Variants in ABCA5 observed in about 807,000 individuals in gnomAD.
ABCA5 encodes cholesterol transporter ABCA5.
ABCA5 carries 163 observed loss-of-function variants against 206.0 expected under a neutral mutation model. That is an observed-to-expected ratio of 0.79 (90% CI 0.70 to 0.90). ABCA5 has a LOEUF of 0.90. Ranked by LOEUF, ABCA5 falls within the 40% of genes least tolerant of loss-of-function variation. The pLI is 0.00. For missense variants in ABCA5, 1,859 were observed against 1,912.9 expected, an observed-to-expected ratio of 0.97 and a Z score of 0.53; for synonymous variants, 609 against 613.8, an observed-to-expected ratio of 0.99 and a Z score of 0.11.
intron 12 of ABCA5, among the ~76,000 whole-genome samples, 167 bp downstream of exon 12, chr17:69,291,049 T>C (rs1348051234): frequency 1.3e-5 from 2 of 152,142 alleles, no homozygotes; most frequent in African/African-American, 4.8e-5. Context: ...TTAAACATGA[T>C]AGAATCATTT....
In ABCA5 at chr17:69,260,012, A is replaced by G. The variant is rs535831052; in HGVS notation, c.3640-215T>C. Among the ~76,000 whole-genome samples, 8 of 152,098 alleles carry G rather than the reference A, an allele frequency of 5.3e-5. No homozygotes were observed. The East Asian group carries it at 1.3e-3, about 26-fold the overall frequency. On this transcript the variant is annotated intron_variant, in intron 27 of 38. Transcript: ENST00000392676. Reference sequence around the variant, plus strand: ...GAATTATTTTTAGCAAATTATTCACATATTTTCTGCCTCTGTATCATTCAT... The same window carrying G: ...GAATTATTTTTAGCAAATTATTCACGTATTTTCTGCCTCTGTATCATTCAT...
At chr17:69,290,949 C>A (rs540501459) in intron 12 of ABCA5, among the ~76,000 whole-genome samples, 2 of 152,092 alleles carry the variant, frequency 1.3e-5, no homozygotes, top group Non-Finnish European at 2.9e-5. Flanking sequence ...ATTTATCCTC[C>A]CTTGAAAATG....
chr17:69,263,697 CTTT>C (rs58369537), intron 24 of ABCA5, among the ~76,000 whole-genome samples: 2 of 103,692 alleles, frequency 1.9e-5, no homozygotes, highest in African/African-American at 4.4e-5. Context: ...ACATGGATTC[CTTT>C]TTTTTTTTTT....
chr17:69,249,730 A>C (rs2074990408), intron 37 of ABCA5, 175 bp downstream of exon 37: 1 of 788,080 alleles, frequency 1.3e-6, no homozygotes, highest in Non-Finnish European at 1.9e-6. Flanking sequence ...ATAGTTTCTA[A>C]AATAAACCGA....
intron 15 of ABCA5, among the ~76,000 whole-genome samples, chr17:69,287,131 G>T (rs953818217): frequency 1.2e-4 from 18 of 152,182 alleles, no homozygotes; most frequent in African/African-American, 3.9e-4. Flanking sequence ...CTAGGCAGAA[G>T]ATGTTTATGT....
At chr17:69,274,579 A>T (rs1206890427) in intron 19 of ABCA5, among the ~76,000 whole-genome samples, 2 of 151,744 alleles carry the variant, frequency 1.3e-5, no homozygotes, top group Non-Finnish European at 1.5e-5. Context: ...TGAAAAAAAC[A>T]AAGAAAAAAA....
At chr17:69,256,734 G>A (rs1357402355) in intron 28 of ABCA5, among the ~76,000 whole-genome samples, 1 of 151,948 alleles carries the variant, frequency 6.6e-6, no homozygotes, top group East Asian at 1.9e-4. Context: ...GGGATTACAG[G>A]TTCAAGCCAC....
rs58369537 is a variant in ABCA5 at position 69,263,697 on chromosome 17, C to CTTTTTTTT, written c.3315+1030_3315+1037dup. On this transcript the variant is annotated intron_variant, in intron 24 of 38. Coordinates refer to ENST00000392676, the MANE Select transcript of ABCA5 (RefSeq NM_172232.4). ...GGCTTTGTTCTTTTTACATGGATTC[C>CTTTTTTTT]TTTTTTTTTTTTTTTTTGATAAAAA... Among the ~76,000 whole-genome samples, 420 of 103,622 alleles carry CTTTTTTTT rather than the reference C, an allele frequency of 4.1e-3. 26 individuals are homozygous for CTTTTTTTT. Among genetic ancestry groups the CTTTTTTTT allele is most frequent in the East Asian group, 0.012 (40 of 3,360 alleles). The allele number at this position is 103,622 out of a possible 152,430, so 68.0% of individuals were successfully genotyped here. A position where few individuals can be genotyped will look rare whatever the true frequency, so the allele number is the denominator to read the frequency against.
chr17:69,268,989 A>G (rs1054878575), intron 22 of ABCA5: 1 of 152,236 alleles, frequency 6.6e-6, no homozygotes, highest in Non-Finnish European at 1.5e-5. Flanking sequence ...TAGTGCAAGA[A>G]GTGGAAATGA....
chr17:69,322,726 G>T (rs1369823664), intron 1 of ABCA5, among the ~76,000 whole-genome samples: 1 of 151,900 alleles, frequency 6.6e-6, no homozygotes, highest in Admixed American at 6.6e-5. Flanking sequence ...AGCAGAGGAG[G>T]TACTAAATAC....
chr17:69,271,249 C>T lies in ABCA5; in HGVS notation c.2805G>A (p.Gln935=). ...CATTAATCATCGTCACCATTATGTT[C>T]TGGCTTGTGAAAAAGCTAATAAGAT... The part of the protein sequence containing the change: ...ISDLISFFTS[Q]NIMVTMINDS... Residue 935 remains glutamine (Q), a synonymous_variant, in exon 21 of 39, where the codon CAG becomes CAA. Transcript: ENST00000392676. The T allele has an allele frequency of 6.2e-7, 1 of 1,613,156 alleles. No individual in the cohort carries two copies. The highest frequency in any genetic ancestry group is 8.5e-7 in the Non-Finnish European group (1 of 1,179,524).
intron 1 of ABCA5, chr17:69,315,245 G>C (rs1182802173): frequency 6.6e-6 from 1 of 152,234 alleles, no homozygotes; most frequent in Non-Finnish European, 1.5e-5. Context: ...CTAACAGACA[G>C]ACCACTGTCC....
In ABCA5 at chr17:69,289,780, G is replaced by C. The variant is rs968347929; in HGVS notation, c.1782+82C>G. On this transcript the variant is annotated intron_variant, in intron 13 of 38. Transcript: ENST00000392676. ...ACAAGTGTTATATTTAGATTTTCAA[G>C]CATATTTTTATTGCACAAGTCATTA... 22 of 1,083,548 alleles carry C rather than the reference G, an allele frequency of 2.0e-5. No individual in the cohort carries two copies. In the East Asian group the frequency reaches 5.4e-4, roughly 27 times the overall value. The allele number at this position is 1,083,548 out of a possible 1,614,324, so 67.1% of individuals were successfully genotyped here.
At chr17:69,253,455 T>C in intron 34 of ABCA5, 118 bp downstream of exon 34, 1 of 573,584 alleles carries the variant, frequency 1.7e-6, no homozygotes, top group Non-Finnish European at 3.0e-6. Context: ...ATTACTAGTG[T>C]ATCGTTTGAA....
chr17:69,279,226 T>C (rs1598171814), intron 18 of ABCA5, among the ~76,000 whole-genome samples: 1 of 152,110 alleles, frequency 6.6e-6, no homozygotes, highest in Non-Finnish European at 1.5e-5. Context: ...ATCACAAGCA[T>C]TCCTATACAC....
chr17:69,282,482 A>G (rs1469499917), intron 18 of ABCA5, among the ~76,000 whole-genome samples: 1 of 152,116 alleles, frequency 6.6e-6, no homozygotes, highest in East Asian at 1.9e-4. Context: ...CTCAAAATTC[A>G]TGCCTCGGCC....
In ABCA5 at chr17:69,256,226, A is replaced by C. The variant is rs2075076995; in HGVS notation, c.3789T>G (p.Asp1263Glu). 1.2e-6 allele frequency: 2 copies of C among 1,610,530 alleles called. No individual in the cohort carries two copies. The highest frequency in any genetic ancestry group is 1.7e-6 in the Non-Finnish European group (2 of 1,178,032). ...RKLPEPPDNE[D>E]EDEDVKAERL... is the part of the protein sequence containing the mutation. ...TTTCAGCTTTGACATCTTCATCTTC[A>C]TCCTCATTGTCTGGTGGTTCTGGAA... Residue 1263 changes from aspartate to glutamate, a missense_variant, in exon 29 of 39, where the codon GAT becomes GAG. Transcript: ENST00000392676.
intron 24 of ABCA5, among the ~76,000 whole-genome samples, chr17:69,262,744 C>T (rs184244790): frequency 8.1e-4 from 123 of 151,536 alleles, no homozygotes; most frequent in African/African-American, 2.9e-3. Flanking sequence ...GGATATATAC[C>T]CAGTAATGGG....
chr17:69,285,951 T>G lies in ABCA5; in HGVS notation c.2219A>C (p.Asn740Thr). ...HIPGATLLQQNDQQLVYSLPF... is the reference protein window; with the variant it reads ...HIPGATLLQQTDQQLVYSLPF... ...CAAGCTATACACAAGTTGTTGGTCA[T>G]TCTGTTGTAATAAAGTAGCTCCAGG... is the stretch of plus-strand genomic sequence containing the variant. The change falls in exon 17 of 39, where the codon AAT (asparagine) becomes ACT (threonine). Residue 740 changes from asparagine to threonine, a missense_variant. Coordinates refer to ENST00000392676, the MANE Select transcript of ABCA5 (RefSeq NM_172232.4). The G allele has an allele frequency of 1.2e-6, 2 of 1,613,384 alleles. No homozygotes were observed. Among genetic ancestry groups the G allele is most frequent in the Non-Finnish European group, 1.7e-6 (2 of 1,179,584 alleles).
Sources: gnomAD v4.1 joint callset for allele counts (sites outside exome capture counted in the v4.1 genomes callset) on GRCh38, gnomAD v4.1.1 for gene constraint, MANE v1.5 for transcripts, NCBI Gene and HGNC (gene_info 2026-07-23, HGNC 2026-07-21) for gene names.